GRM8: variants seen among roughly 807,000 people sequenced by gnomAD.
The protein encoded by GRM8 is glutamate metabotropic receptor 8.
Under a neutral mutation model 87.2 loss-of-function variants are expected in GRM8, and 47 were observed. The ratio of observed to expected loss-of-function variants is 0.54; its 90% CI spans 0.43 to 0.69. The LOEUF (loss-of-function observed/expected upper bound fraction) is 0.69, where lower values mean the gene tolerates loss of function less well. GRM8 is among the 30% of genes least tolerant of loss of function. The pLI is 0.00. For synonymous variants in GRM8, 396 were observed against 404.5 expected, an observed-to-expected ratio of 0.98 and a Z score of 0.25; for missense variants, 1,019 against 1,139.2, an observed-to-expected ratio of 0.89 and a Z score of 1.52.
At chr7:126,665,462 C>A (rs1805656169) in intron 7 of GRM8, among the ~76,000 whole-genome samples, 1 of 152,120 alleles carries the variant, frequency 6.6e-6, no homozygotes, top group African/African-American at 2.4e-5. Context: ...ACTGTGGATG[C>A]AGCTAGAGGC....
chr7:126,808,075 C>T (rs565671415), intron 6 of GRM8, among the ~76,000 whole-genome samples: 8 of 152,186 alleles, frequency 5.3e-5, no homozygotes, highest in African/African-American at 1.7e-4. Flanking sequence ...TTCAATCATG[C>T]AAACAGAGAA....
At chr7:126,581,807 G>A (rs12536122) in intron 8 of GRM8, among the ~76,000 whole-genome samples, 48,063 of 151,808 alleles carry the variant, frequency 0.32, 8,544 homozygotes, top group East Asian at 0.44. Context: ...TCTGTGGTCC[G>A]TGATCTGTTT....
rs1393324052 is a variant in GRM8, at chr7:126,643,325, T to A, written c.1358-33827A>T. Among the ~76,000 whole-genome samples, 117 of 15,468 alleles carry A rather than the reference T, an allele frequency of 7.6e-3. 2 individuals carry two copies. Among genetic ancestry groups the A allele is most frequent in the African/African-American group, 9.8e-3 (30 of 3,056 alleles). 10.1% of individuals were successfully genotyped at this position (15,468 alleles called of 152,430 possible). ...AAAAAAAAAAAAAAAAAAAAATATATATATATATATATATATATATATATA... is the reference window on the plus strand; with the variant it reads ...AAAAAAAAAAAAAAAAAAAAATATAAATATATATATATATATATATATATA... On this transcript the variant is annotated intron_variant, in intron 7 of 10. Transcript: ENST00000339582.
chr7:126,707,784 A>G (rs923296386), intron 7 of GRM8, among the ~76,000 whole-genome samples: 2 of 152,188 alleles, frequency 1.3e-5, no homozygotes, highest in African/African-American at 4.8e-5. Flanking sequence ...ACTTGAAACC[A>G]TTAAAAGCCT....
At chr7:126,536,408 T>C (rs904660889) in intron 8 of GRM8, among the ~76,000 whole-genome samples, 2 of 152,166 alleles carry the variant, frequency 1.3e-5, no homozygotes, top group African/African-American at 4.8e-5. Flanking sequence ...CTTTGTGTCT[T>C]TAATTTCAGA....
At chr7:126,461,400 T>C (rs1005310258) in intron 9 of GRM8, among the ~76,000 whole-genome samples, 1 of 151,648 alleles carries the variant, frequency 6.6e-6, no homozygotes. Context: ...CTCTTCTCCC[T>C]GCCTCTGCCC....
At chr7:126,726,497 CA>C (rs1812995191) in intron 7 of GRM8, among the ~76,000 whole-genome samples, 1 of 152,124 alleles carries the variant, frequency 6.6e-6, no homozygotes, top group East Asian at 1.9e-4. Context: ...TTCTCCCAGG[CA>C]AGGTGGTCCC....
chr7:126,457,466 A>C (rs978120156), intron 9 of GRM8, among the ~76,000 whole-genome samples: 2 of 151,498 alleles, frequency 1.3e-5, no homozygotes, highest in African/African-American at 2.4e-5. Context: ...AATCCTAAAA[A>C]ATTTCAAGGA....
intron 9 of GRM8, among the ~76,000 whole-genome samples, chr7:126,475,562 T>G (rs1805803677): frequency 6.6e-6 from 1 of 152,046 alleles, no homozygotes; most frequent in Non-Finnish European, 1.5e-5. Flanking sequence ...ACAAATTCAA[T>G]GTAATGCCTA....
chr7:126,614,362 A>G (rs1210437047), intron 7 of GRM8, among the ~76,000 whole-genome samples: 1 of 152,190 alleles, frequency 6.6e-6, no homozygotes, highest in Non-Finnish European at 1.5e-5. Context: ...CATCCACACC[A>G]AAACCACATC....
rs770390137 is a variant in GRM8, at chr7:126,864,783, C to T, written c.1156+37759G>A. Among the ~76,000 whole-genome samples, 66 of 152,034 alleles carry T rather than the reference C, an allele frequency of 4.3e-4. 1 individual carries two copies. Among genetic ancestry groups the T allele is most frequent in the East Asian group, 1.2e-3 (6 of 5,176 alleles). On this transcript the variant is annotated intron_variant, in intron 6 of 10. Transcript: ENST00000339582. ...CTGTTGTGTTTTTATTTTGTTTTGG[C>T]AGTTGTTTTGCATGAAACCATCCCT...
At chr7:126,651,766 G>A (rs1050431935) in intron 7 of GRM8, among the ~76,000 whole-genome samples, 2 of 152,178 alleles carry the variant, frequency 1.3e-5, no homozygotes, top group African/African-American at 4.8e-5. Context: ...TCAGTCTACT[G>A]CTCCACAATG....
At chr7:127,145,122 T>C (rs1458812938) in intron 2 of GRM8, among the ~76,000 whole-genome samples, 2 of 152,064 alleles carry the variant, frequency 1.3e-5, no homozygotes, top group African/African-American at 2.4e-5. Flanking sequence ...GGATAACAAA[T>C]AGTAATTAAA....
chr7:126,854,190 TA>T (rs1381892745), intron 6 of GRM8, among the ~76,000 whole-genome samples: 1 of 152,334 alleles, frequency 6.6e-6, no homozygotes, highest in African/African-American at 2.4e-5. Context: ...CCCTGTTCCC[TA>T]AACAGCCTTT....
intron 7 of GRM8, among the ~76,000 whole-genome samples, chr7:126,671,258 C>G (rs189049551): frequency 6.6e-6 from 1 of 152,148 alleles, no homozygotes; most frequent in Non-Finnish European, 1.5e-5. Context: ...ACCCAACTCA[C>G]GGGTATTTGA....
intron 2 of GRM8, among the ~76,000 whole-genome samples, chr7:127,136,726 A>C (rs1228330658): frequency 3.3e-5 from 5 of 151,920 alleles, no homozygotes; most frequent in African/African-American, 1.2e-4. Flanking sequence ...GTCTCTACAA[A>C]GAGTAAATTT....
chr7:127,078,259 T>A (rs1314694112), intron 3 of GRM8, among the ~76,000 whole-genome samples: 1 of 152,178 alleles, frequency 6.6e-6, no homozygotes, highest in African/African-American at 2.4e-5. Flanking sequence ...CTCTTTCCAC[T>A]CCTCCATCTG....
chr7:127,031,449 T>C (rs1191554891), intron 3 of GRM8, among the ~76,000 whole-genome samples: 1 of 152,140 alleles, frequency 6.6e-6, no homozygotes, highest in African/African-American at 2.4e-5. Flanking sequence ...GACCTCCATC[T>C]GGATTGGCCC....
chr7:126,541,614 G>T (rs768575241), intron 8 of GRM8, among the ~76,000 whole-genome samples: 1 of 152,226 alleles, frequency 6.6e-6, no homozygotes, highest in Admixed American at 6.5e-5. Flanking sequence ...AGTCAATCAC[G>T]CTGAGGCTGT....
Sources: gnomAD v4.1 joint callset for allele counts (sites outside exome capture counted in the v4.1 genomes callset) on GRCh38, gnomAD v4.1.1 for gene constraint, MANE v1.5 for transcripts, NCBI Gene and HGNC (gene_info 2026-07-23, HGNC 2026-07-21) for gene names.